AK8: variants seen among roughly 807,000 people sequenced by gnomAD.
AK8 encodes the protein ATP-AMP transphosphorylase 8.
In AK8, 44 loss-of-function variants were observed where a neutral mutation model predicts 54.6. The ratio of observed to expected loss-of-function variants is 0.81; its 90% confidence interval spans 0.63 to 1.04. The LOEUF (loss-of-function observed/expected upper bound fraction) is 1.04. Ranked by LOEUF, AK8 falls within the 50% of genes least tolerant of loss-of-function variation. AK8 has a pLI of 0.00. For synonymous variants in AK8, 239 were observed against 245.6 expected, an observed-to-expected ratio of 0.97 and a Z score of 0.25; for missense variants, 555 against 613.6, an observed-to-expected ratio of 0.90 and a Z score of 1.01.
chr9:132,801,212 G>A (rs1041473022), intron 10 of AK8, among the ~76,000 whole-genome samples: 4 of 152,164 alleles, frequency 2.6e-5, no homozygotes, highest in African/African-American at 9.7e-5. Flanking sequence ...ATAGGCATGA[G>A]CCACCACGCC....
At chr9:132,757,343 A>C (rs375640599) in intron 11 of AK8, among the ~76,000 whole-genome samples, 113 of 152,324 alleles carry the variant, frequency 7.4e-4, no homozygotes, top group African/African-American at 2.7e-3. Context: ...CCTCTGGGGA[A>C]GGAGGGCCCG....
intron 4 of AK8, chr9:132,861,715 A>G (rs10491903): frequency 0.052 from 7,994 of 152,332 alleles, 298 homozygotes; most frequent in African/African-American, 0.087. Flanking sequence ...TACTTGCAAA[A>G]AGAGCCATAA....
intron 4 of AK8, among the ~76,000 whole-genome samples, chr9:132,858,080 C>T (rs1341067223): frequency 6.6e-6 from 1 of 152,248 alleles, no homozygotes; most frequent in African/African-American, 2.4e-5. Context: ...GAAGGCTCAG[C>T]CCCGACTCAG....
intron 10 of AK8, among the ~76,000 whole-genome samples, chr9:132,794,997 G>A (rs1191742982): frequency 6.6e-6 from 1 of 152,216 alleles, no homozygotes; most frequent in Non-Finnish European, 1.5e-5. Flanking sequence ...TTCAGGAGAT[G>A]TGTGTGGGGA....
chr9:132,863,537 A>G, intron 4 of AK8, 128 bp downstream of exon 4: 1 of 652,712 alleles, frequency 1.5e-6, no homozygotes, highest in Non-Finnish European at 2.7e-6. Flanking sequence ...ATCTCATTTT[A>G]CCCCAGCATT....
At chr9:132,841,869 G>A (rs191519280) in intron 5 of AK8, among the ~76,000 whole-genome samples, 3 of 152,256 alleles carry the variant, frequency 2.0e-5, no homozygotes, top group East Asian at 1.9e-4. Context: ...AATAGAGGAG[G>A]AGGAGACAGA....
At chr9:132,796,653 G>C (rs1011954779) in intron 10 of AK8, among the ~76,000 whole-genome samples, 1 of 152,066 alleles carries the variant, frequency 6.6e-6, no homozygotes, top group Non-Finnish European at 1.5e-5. Flanking sequence ...GACAGGTCGA[G>C]GCAGAAGTCT....
intron 9 of AK8, among the ~76,000 whole-genome samples, chr9:132,815,372 G>A (rs1205984316): frequency 1.3e-5 from 2 of 152,118 alleles, no homozygotes; most frequent in Non-Finnish European, 2.9e-5. Context: ...TGGCCAACAT[G>A]GTGAAAATCC....
intron 3 of AK8, among the ~76,000 whole-genome samples, chr9:132,866,083 A>G (rs1843584239): frequency 6.6e-6 from 1 of 152,062 alleles, no homozygotes; most frequent in Non-Finnish European, 1.5e-5. Context: ...CTGTAGTCCC[A>G]GCTACTCGGG....
intron 11 of AK8, among the ~76,000 whole-genome samples, chr9:132,732,140 G>GT (rs1362836528): frequency 3.1e-5 from 3 of 95,268 alleles, no homozygotes; most frequent in Non-Finnish European, 6.1e-5. Context: ...GCTCTGTGGT[G>GT]TTTTTAATAT....
chr9:132,785,588 A>C (rs942727297), intron 11 of AK8, among the ~76,000 whole-genome samples: 1 of 152,260 alleles, frequency 6.6e-6, no homozygotes, highest in Non-Finnish European at 1.5e-5. Flanking sequence ...AACACATCCC[A>C]TAAAGAAAAG....
chr9:132,750,257 T>C (rs1418304060), intron 11 of AK8, among the ~76,000 whole-genome samples: 1 of 151,940 alleles, frequency 6.6e-6, no homozygotes, highest in Admixed American at 6.6e-5. Context: ...TAGCTGGGAT[T>C]ACAGGCATGT....
chr9:132,750,584 T>C (rs1837870725), intron 11 of AK8, among the ~76,000 whole-genome samples: 3 of 151,936 alleles, frequency 2.0e-5, no homozygotes, highest in Admixed American at 2.0e-4. Flanking sequence ...CACGCTTTCT[T>C]CTCAAATTTC....
chr9:132,869,265 G>A (rs1418793710), intron 2 of AK8, among the ~76,000 whole-genome samples: 1 of 152,164 alleles, frequency 6.6e-6, no homozygotes, highest in African/African-American at 2.4e-5. Context: ...ACAGGCTGGG[G>A]AGCCAGGCCT....
At chr9:132,842,949 C>G (rs546831458) in intron 5 of AK8, among the ~76,000 whole-genome samples, 1 of 152,334 alleles carries the variant, frequency 6.6e-6, no homozygotes, top group African/African-American at 2.4e-5. Flanking sequence ...AGGAGGATCT[C>G]TCTCTGGTCT....
chr9:132,853,783 C>CAAAAAAA (rs71376669), intron 5 of AK8, among the ~76,000 whole-genome samples: 97 of 42,518 alleles, frequency 2.3e-3, no homozygotes, highest in Admixed American at 3.2e-3. Flanking sequence ...GACTCTGCCT[C>CAAAAAAA]AAAAAAAAAA....
In AK8 at chr9:132,791,032, T is replaced by A. The variant is rs1016072272; in HGVS notation, c.1121+1602A>T. Among the ~76,000 whole-genome samples the A allele has an allele frequency of 2.0e-5, 3 of 152,086 alleles. No homozygotes were observed. Among genetic ancestry groups the A allele is most frequent in the Non-Finnish European group, 2.9e-5 (2 of 68,028 alleles). Reference sequence around the variant, plus strand: ...TCACTAGAAGCAAAGACAGAATATATCCATGTCAAACTGTAACGGATTGTA... The same window carrying A: ...TCACTAGAAGCAAAGACAGAATATAACCATGTCAAACTGTAACGGATTGTA... On this transcript the variant is annotated intron_variant, in intron 11 of 12. Transcript: ENST00000298545. This position sits in a 1 kb window ranked among gnomAD's most constrained non-coding sequence, Gnocchi z 4.0.
chr9:132,878,602 G>A, upstream of AK8: 1 of 1,088,210 alleles, frequency 9.2e-7, no homozygotes, highest in Non-Finnish European at 1.1e-6. The surrounding 1 kb of genome is among the most constrained non-coding windows in gnomAD (Gnocchi z 4.7). Flanking sequence ...ACCTGCTTCT[G>A]GTTCTGTCAG....
At chr9:132,868,501 AC>A (rs936822418) in intron 2 of AK8, among the ~76,000 whole-genome samples, 12 of 151,818 alleles carry the variant, frequency 7.9e-5, no homozygotes. Context: ...AGCACCCAGC[AC>A]CCCCAGCCTC....
Sources: allele counts gnomAD v4.1 joint callset (sites outside exome capture counted in the v4.1 genomes callset), GRCh38; gene constraint gnomAD v4.1.1; non-coding constraint Gnocchi (gnomAD v3.1); transcripts MANE v1.5; gene names NCBI Gene and HGNC (gene_info 2026-07-23, HGNC 2026-07-21).